BABAM2: variants seen among roughly 807,000 people sequenced by gnomAD.
BABAM2 encodes BRISC and BRCA1 A complex member 2.
Under a neutral mutation model 54.7 loss-of-function variants are expected in BABAM2, and 31 were observed. The ratio of observed to expected loss-of-function variants is 0.57; its 90% confidence interval spans 0.43 to 0.77. The LOEUF is 0.77. Ranked by LOEUF, BABAM2 falls within the 30% of genes least tolerant of loss-of-function variation. The pLI is 0.00. For synonymous variants in BABAM2, 167 were observed against 162.9 expected (o/e 1.03, Z -0.19); for missense variants, 364 against 455.8 (o/e 0.80, Z 1.83).
intron 2 of BABAM2, among the ~76,000 whole-genome samples, chr2:27,926,264 C>A: frequency 6.6e-6 from 1 of 152,210 alleles, no homozygotes; most frequent in East Asian, 1.9e-4. Flanking sequence ...CCCTCATTTA[C>A]TGTGTCCTAA....
chr2:28,330,401 TG>T (rs1212434268), intron 11 of BABAM2, among the ~76,000 whole-genome samples: 5 of 152,228 alleles, frequency 3.3e-5, no homozygotes, highest in African/African-American at 4.8e-5. Context: ...GGTCTGTGTT[TG>T]CAGATGCCAT....
chr2:28,338,881 C>T lies in BABAM2; in HGVS notation c.*368C>T. Reference sequence around the variant, plus strand: ...TCTTAAGTTCTAAGATTAAATGCCCCTCGCTGTTCTTCCTCTGAAACTAGT... The same window carrying T: ...TCTTAAGTTCTAAGATTAAATGCCCTTCGCTGTTCTTCCTCTGAAACTAGT... On this transcript the variant is annotated 3_prime_UTR_variant, in exon 12 of 12. Coordinates refer to ENST00000379624, the MANE Select transcript of BABAM2 (RefSeq NM_199191.3). 1 of 240,534 alleles carries T rather than the reference C, an allele frequency of 4.2e-6. No individual in the cohort carries two copies. The highest frequency in any genetic ancestry group is 8.2e-6 in the Non-Finnish European group (1 of 121,258). 14.9% of individuals were successfully genotyped at this position (240,534 alleles called of 1,614,324 possible).
At position 28,035,377 on chromosome 2, in the gene BABAM2, G is replaced by A. The variant is rs1227485350; in HGVS notation, c.495+9957G>A. 3.9e-5 allele frequency among the ~76,000 whole-genome samples: 6 copies of A among 152,232 alleles called. No individual in the cohort carries two copies. The East Asian group carries it at 9.6e-4, about 24-fold the overall frequency. ...CCCTACTGGCATGAGGATGTAGTAG[G>A]TGCTCTGGTCATGCCAGTCAGCCAT... On this transcript the variant is annotated intron_variant, in intron 5 of 11. Coordinates refer to ENST00000379624, the MANE Select transcript of BABAM2 (RefSeq NM_199191.3).
chr2:27,952,011 ACTT>A (rs1484232165), intron 3 of BABAM2, among the ~76,000 whole-genome samples: 2 of 152,158 alleles, frequency 1.3e-5, no homozygotes, highest in African/African-American at 2.4e-5. Context: ...GGATTTGTCT[ACTT>A]CTTCTTGCTG....
At chr2:28,094,219 A>G (rs79959722) in intron 6 of BABAM2, among the ~76,000 whole-genome samples, 7,514 of 152,282 alleles carry the variant, frequency 0.049, 250 homozygotes, top group East Asian at 0.15. Flanking sequence ...ATTCATTATT[A>G]ACATCTGTAA....
intron 10 of BABAM2, among the ~76,000 whole-genome samples, chr2:28,252,430 G>A (rs550238184): frequency 1.3e-5 from 2 of 152,208 alleles, no homozygotes; most frequent in South Asian, 4.1e-4. Context: ...GCTCTACTAG[G>A]CAAAGTGGTT....
At position 28,182,694 on chromosome 2, in the gene BABAM2, T is replaced by C. The variant is rs574859969; in HGVS notation, c.680+53314T>C. Among the ~76,000 whole-genome samples the C allele has an allele frequency of 2.6e-5, 4 of 152,360 alleles. No individual in the cohort carries two copies. The East Asian group carries it at 7.7e-4, about 29-fold the overall frequency. On this transcript the variant is annotated intron_variant, in intron 7 of 11. Transcript: ENST00000379624. The stretch of plus-strand genomic sequence containing the variant: ...ATTCACATGTACACCAACTGTTGTT[T>C]GTAGACTAAATAAATAACATCTAAC...
At chr2:28,009,871 A>G (rs1041966242) in intron 4 of BABAM2, among the ~76,000 whole-genome samples, 1 of 152,188 alleles carries the variant, frequency 6.6e-6, no homozygotes, top group African/African-American at 2.4e-5. Context: ...AGAGGCACAC[A>G]TTTCCAGTGT....
At chr2:28,250,215 A>G (rs1305628426) in intron 10 of BABAM2, among the ~76,000 whole-genome samples, 1 of 151,868 alleles carries the variant, frequency 6.6e-6, no homozygotes, top group African/African-American at 2.4e-5. Flanking sequence ...ATTCCAGGGA[A>G]GGCAGTCCCT....
intron 3 of BABAM2, among the ~76,000 whole-genome samples, chr2:27,941,991 A>G (rs919457370): frequency 1.4e-4 from 21 of 152,130 alleles, no homozygotes; most frequent in African/African-American, 4.8e-4. Context: ...ATTCAACTTC[A>G]TTTTTGATCT....
Position 27,933,432 on chromosome 2 carries a change from C to G in BABAM2, c.205+3524C>G, listed in dbSNP as rs1175273332. On this transcript the variant is annotated intron_variant, in intron 3 of 11. Transcript: ENST00000379624. ...CATGGAAACTATATTTATAAAAGTT[C>G]ATAGAATTAGAAAGATGAGTTTTTT... is the stretch of plus-strand genomic sequence containing the variant. 2.0e-5 allele frequency among the ~76,000 whole-genome samples: 3 copies of G among 150,942 alleles called. No individual in the cohort carries two copies. The East Asian group carries it at 5.8e-4, about 29-fold the overall frequency.
At chr2:28,011,775 C>G (rs1050888898) in intron 4 of BABAM2, among the ~76,000 whole-genome samples, 1 of 152,106 alleles carries the variant, frequency 6.6e-6, no homozygotes, top group African/African-American at 2.4e-5. Flanking sequence ...TTGTGATTAT[C>G]ATAGTCAGAA....
chr2:28,205,328 C>T (rs62139108), intron 7 of BABAM2, among the ~76,000 whole-genome samples: 2 of 151,806 alleles, frequency 1.3e-5, no homozygotes, highest in Middle Eastern at 3.2e-3. Flanking sequence ...GGTAAAACCC[C>T]GTCTCTACTA....
intron 7 of BABAM2, among the ~76,000 whole-genome samples, chr2:28,138,819 C>A (rs557233059): frequency 3.9e-5 from 6 of 152,280 alleles, no homozygotes; most frequent in African/African-American, 1.4e-4. Context: ...TGTCGTCTCT[C>A]ATGTTCATCT....
chr2:28,011,266 A>G (rs1674376850), intron 4 of BABAM2, among the ~76,000 whole-genome samples: 1 of 152,242 alleles, frequency 6.6e-6, no homozygotes, highest in African/African-American at 2.4e-5. Flanking sequence ...GGAGAAGAGT[A>G]AAGACATTGA....
intron 7 of BABAM2, among the ~76,000 whole-genome samples, chr2:28,206,221 G>A (rs1678827125): frequency 6.6e-6 from 1 of 152,094 alleles, no homozygotes; most frequent in Non-Finnish European, 1.5e-5. Flanking sequence ...GGTAGGAAAG[G>A]ATAGGACAGT....
chr2:28,280,697 C>A (rs1686280037), intron 10 of BABAM2, among the ~76,000 whole-genome samples: 1 of 152,192 alleles, frequency 6.6e-6, no homozygotes, highest in African/African-American at 2.4e-5. Context: ...GCAGATTTCT[C>A]TTCTATGAGC....
In BABAM2 at chr2:28,082,391, G is replaced by A. The variant is rs1350924833; in HGVS notation, c.570+36592G>A. 2.0e-5 allele frequency among the ~76,000 whole-genome samples: 3 copies of A among 152,154 alleles called. No individual in the cohort carries two copies. The East Asian group carries it at 5.8e-4, about 29-fold the overall frequency. On this transcript the variant is annotated intron_variant, in intron 6 of 11. Transcript: ENST00000379624. ...TACTGGAAAAGGCAATATGTCATCT[G>A]AATTCTGTTGGTGCTTAAGAACAGC...
At chr2:28,010,528 C>G (rs2040383948) in intron 4 of BABAM2, among the ~76,000 whole-genome samples, 1 of 152,028 alleles carries the variant, frequency 6.6e-6, no homozygotes, top group African/African-American at 2.4e-5. Context: ...AGCTTATGTG[C>G]CTCTTCCTCT....
Sources: allele counts gnomAD v4.1 joint callset (sites outside exome capture counted in the v4.1 genomes callset), GRCh38; gene constraint gnomAD v4.1.1; transcripts MANE v1.5; gene names NCBI Gene and HGNC (gene_info 2026-07-23, HGNC 2026-07-21).